Variants in NRF1 observed in about 807,000 individuals in gnomAD.
The protein encoded by NRF1 is alpha palindromic-binding protein.
Under a neutral mutation model 58.5 loss-of-function variants are expected in NRF1, and 5 were observed. The ratio of observed to expected loss-of-function variants is 0.09; its 90% CI spans 0.04 to 0.18. The LOEUF is 0.18. Ranked by LOEUF, NRF1 falls within the 10% of genes least tolerant of loss-of-function variation. The probability of loss-of-function intolerance (pLI) is 1.00; values close to 1 mark genes in which losing one functional copy is unlikely to be tolerated. For missense variants in NRF1, 288 were observed against 657.7 expected (o/e 0.44, Z 6.15); for synonymous variants, 224 against 246.7 (o/e 0.91, Z 0.86).
intron 1 of NRF1, among the ~76,000 whole-genome samples, chr7:129,618,048 T>G (rs1385008978): frequency 6.6e-6 from 1 of 152,184 alleles, no homozygotes; most frequent in East Asian, 1.9e-4. Context: ...CTATGGTTTT[T>G]AAAAAGATGA....
chr7:129,625,970 C>T (rs1269944914), intron 1 of NRF1, among the ~76,000 whole-genome samples: 7 of 152,126 alleles, frequency 4.6e-5, no homozygotes, highest in East Asian at 1.9e-4. Context: ...GCATGAGCCA[C>T]CACACCCAGC....
chr7:129,649,936 A>T (rs1028288871), intron 1 of NRF1, among the ~76,000 whole-genome samples: 2 of 151,834 alleles, frequency 1.3e-5, no homozygotes, highest in African/African-American at 4.8e-5. Flanking sequence ...CATTTTTTGT[A>T]GAGAGGGGGT....
chr7:129,668,843 G>C (rs1353471218), intron 2 of NRF1, among the ~76,000 whole-genome samples: 1 of 152,212 alleles, frequency 6.6e-6, no homozygotes, highest in Admixed American at 6.5e-5. Flanking sequence ...TCTAGGTATT[G>C]CTGAGAAGTA....
chr7:129,661,692 G>A (rs1468078001), intron 2 of NRF1, among the ~76,000 whole-genome samples: 3 of 150,950 alleles, frequency 2.0e-5, no homozygotes, highest in South Asian at 4.2e-4. Context: ...TTTGGGCAAA[G>A]CCATTCATCA....
At chr7:129,617,620 G>A (rs990005381) in intron 1 of NRF1, among the ~76,000 whole-genome samples, 3 of 152,208 alleles carry the variant, frequency 2.0e-5, no homozygotes, top group African/African-American at 7.2e-5. Context: ...GGGCCTTGTC[G>A]TGTAGAGCAG....
At chr7:129,704,765 C>A (rs947080294) in intron 5 of NRF1, among the ~76,000 whole-genome samples, 5 of 152,070 alleles carry the variant, frequency 3.3e-5, no homozygotes, top group African/African-American at 1.2e-4. Context: ...GTTTTGACAG[C>A]GACTTGAGGT....
chr7:129,719,043 G>A (rs1803254907), intron 9 of NRF1, among the ~76,000 whole-genome samples: 1 of 152,082 alleles, frequency 6.6e-6, no homozygotes, highest in Non-Finnish European at 1.5e-5. Context: ...TATAGTGAGA[G>A]GAGATTAGAA....
chr7:129,752,993 A>G (rs1205160873), intron 10 of NRF1, among the ~76,000 whole-genome samples: 1 of 152,208 alleles, frequency 6.6e-6, no homozygotes, highest in African/African-American at 2.4e-5. Context: ...GTTTCTAGTG[A>G]TGCGTCACCA....
chr7:129,694,648 A>G (rs1802645916), intron 5 of NRF1, among the ~76,000 whole-genome samples: 1 of 152,304 alleles, frequency 6.6e-6, no homozygotes, highest in South Asian at 2.1e-4. Flanking sequence ...GATTGCAGGC[A>G]CGAGCCACTG....
intron 7 of NRF1, among the ~76,000 whole-genome samples, 190 bp downstream of exon 7, chr7:129,710,761 A>G (rs541533156): frequency 2.6e-5 from 4 of 152,158 alleles, no homozygotes; most frequent in African/African-American, 7.2e-5. Flanking sequence ...ATACAGAGCT[A>G]TGAGTAGCTT....
intron 10 of NRF1, among the ~76,000 whole-genome samples, chr7:129,739,296 T>C (rs549316641): frequency 4.1e-4 from 62 of 152,230 alleles, no homozygotes; most frequent in Non-Finnish European, 7.2e-4. Context: ...AATTATAATT[T>C]ATTCACATTT....
chr7:129,646,629 G>A (rs1801411160), intron 1 of NRF1, among the ~76,000 whole-genome samples: 1 of 152,134 alleles, frequency 6.6e-6, no homozygotes, highest in South Asian at 2.1e-4. Flanking sequence ...GCTGGAGTTG[G>A]GAGGTGCAAC....
Position 129,611,788 on chromosome 7 carries a change from C to G in NRF1, c.-43C>G, listed in dbSNP as rs1800532958. ...CGAGGAGCCGGCGCGGTCGCAGTCT[C>G]CACGGCGCAGGCCCACGGTAGCGCA... On this transcript the variant is annotated 5_prime_UTR_variant, in exon 1 of 11. Coordinates refer to ENST00000393232, the MANE Select transcript of NRF1 (RefSeq NM_005011.5). 7.8e-6 allele frequency: 2 copies of G among 257,960 alleles called. No homozygotes were observed. Among genetic ancestry groups the G allele is most frequent in the African/African-American group, 2.2e-5 (1 of 44,952 alleles). 16.0% of individuals were successfully genotyped at this position (257,960 alleles called of 1,614,324 possible). A position where few individuals can be genotyped will look rare whatever the true frequency, so the allele number is the denominator to read the frequency against.
chr7:129,715,228 G>T (rs574569153), intron 8 of NRF1, among the ~76,000 whole-genome samples: 1 of 152,136 alleles, frequency 6.6e-6, no homozygotes, highest in East Asian at 1.9e-4. Flanking sequence ...ATTTTTTACC[G>T]TCCTGACTGG....
chr7:129,722,248 G>A lies in NRF1; in HGVS notation c.1223+4872G>A, dbSNP rs547648746. Among the ~76,000 whole-genome samples, 43 of 152,160 alleles carry A rather than the reference G, an allele frequency of 2.8e-4. 1 individual carries two copies. The highest frequency in any genetic ancestry group is 2.5e-3 in the South Asian group (12 of 4,806). On this transcript the variant is annotated intron_variant, in intron 9 of 10. Coordinates refer to ENST00000393232, the MANE Select transcript of NRF1 (RefSeq NM_005011.5). The stretch of plus-strand genomic sequence containing the variant: ...CTCTACTAAAAATACAAAAGTAGCC[G>A]GGCGTGGTGGTGCATGCCTGTAATC...
At chr7:129,623,494 A>G (rs1800849993) in intron 1 of NRF1, among the ~76,000 whole-genome samples, 1 of 152,138 alleles carries the variant, frequency 6.6e-6, no homozygotes, top group Non-Finnish European at 1.5e-5. Context: ...TATGTGATAT[A>G]TATAATTCTA....
intron 3 of NRF1, among the ~76,000 whole-genome samples, chr7:129,673,279 T>A (rs889572959): frequency 8.5e-5 from 13 of 152,098 alleles, no homozygotes; most frequent in Admixed American, 8.5e-4. Flanking sequence ...ATATAAACCA[T>A]TGTTTCAAGG....
chr7:129,729,505 G>C (rs1226410996), intron 10 of NRF1, among the ~76,000 whole-genome samples: 1 of 152,186 alleles, frequency 6.6e-6, no homozygotes, highest in Non-Finnish European at 1.5e-5. Flanking sequence ...CTTGAGAGTT[G>C]GAAGTTATCT....
At chr7:129,683,003 T>C (rs181808815) in intron 4 of NRF1, among the ~76,000 whole-genome samples, 38 of 152,208 alleles carry the variant, frequency 2.5e-4, no homozygotes, top group African/African-American at 7.9e-4. Context: ...CAGTCTCAGC[T>C]CACTGCAACC....
Sources: gnomAD v4.1 joint callset for allele counts (sites outside exome capture counted in the v4.1 genomes callset) on GRCh38, gnomAD v4.1.1 for gene constraint, MANE v1.5 for transcripts, NCBI Gene and HGNC (gene_info 2026-07-23, HGNC 2026-07-21) for gene names.